Variants in ATXN10 observed in about 807,000 individuals in gnomAD.
ATXN10 encodes the protein ataxin-10.
In ATXN10, 28 loss-of-function variants were observed where a neutral mutation model predicts 52.9. The ratio of observed to expected loss-of-function variants is 0.53; its 90% CI spans 0.39 to 0.73. The LOEUF (loss-of-function observed/expected upper bound fraction) is 0.73. Ranked by LOEUF, ATXN10 falls within the 30% of genes least tolerant of loss-of-function variation. The pLI, the probability that ATXN10 is intolerant of heterozygous loss-of-function variation, is 0.00. For missense variants in ATXN10, 565 were observed against 577.0 expected (o/e 0.98, Z 0.21); for synonymous variants, 226 against 221.5 (o/e 1.02, Z -0.18).
chr22:45,788,805 A>G (rs954784991), intron 9 of ATXN10, among the ~76,000 whole-genome samples: 2 of 151,694 alleles, frequency 1.3e-5, no homozygotes, highest in South Asian at 4.2e-4. Context: ...CTCACACACC[A>G]CACCCAGCTA....
At chr22:45,812,850 C>A (rs765917767) in intron 10 of ATXN10, among the ~76,000 whole-genome samples, 8 of 152,298 alleles carry the variant, frequency 5.3e-5, no homozygotes, top group Non-Finnish European at 1.2e-4. Context: ...ATAGAACATT[C>A]CACTTTTGTC....
chr22:45,806,463 C>T (rs1020393856), intron 9 of ATXN10, among the ~76,000 whole-genome samples: 2 of 152,102 alleles, frequency 1.3e-5, no homozygotes, highest in Non-Finnish European at 2.9e-5. Context: ...TCTTCCAAAT[C>T]CGTGATACCT....
At position 45,766,505 on chromosome 22, in the gene ATXN10, A is replaced by G. The variant is rs373739095; in HGVS notation, c.1173+25967A>G. On this transcript the variant is annotated intron_variant, in intron 9 of 11. Transcript: ENST00000252934. This position sits in a 1 kb window ranked among gnomAD's most constrained non-coding sequence, Gnocchi z 4.6. ...AAGGTTGGGAACTCCTCCTTTAGAT[A>G]AAACTGGATACATCCCTTATAACAT... Among the ~76,000 whole-genome samples, 8 of 152,296 alleles carry G rather than the reference A, an allele frequency of 5.3e-5. No homozygotes were observed. The highest frequency in any genetic ancestry group is 1.7e-4 in the African/African-American group (7 of 41,576).
intron 9 of ATXN10, among the ~76,000 whole-genome samples, chr22:45,741,586 T>G (rs1216844471): frequency 6.6e-6 from 1 of 152,114 alleles, no homozygotes; most frequent in Non-Finnish European, 1.5e-5. Context: ...CATCCTCAGT[T>G]TCTTACTTGC....
chr22:45,760,884 G>A (rs544288376), intron 9 of ATXN10, among the ~76,000 whole-genome samples: 13 of 152,250 alleles, frequency 8.5e-5, no homozygotes, highest in South Asian at 8.3e-4. Context: ...CCCAGTGTGC[G>A]GAGTGGATTC....
intron 7 of ATXN10, among the ~76,000 whole-genome samples, chr22:45,735,812 C>CTTTTT (rs746222703): frequency 7.3e-3 from 482 of 65,708 alleles, no homozygotes; most frequent in Non-Finnish European, 1.0e-2. Flanking sequence ...ATTTGCTTGT[C>CTTTTT]TTTTTTTTTT....
intron 10 of ATXN10, among the ~76,000 whole-genome samples, chr22:45,831,568 A>G (rs1442515699): frequency 6.6e-6 from 1 of 152,188 alleles, no homozygotes; most frequent in Admixed American, 6.5e-5. Flanking sequence ...TTTTCATGCC[A>G]GGCATTGTGA....
At chr22:45,760,345 A>G (rs1926339572) in intron 9 of ATXN10, among the ~76,000 whole-genome samples, 1 of 152,150 alleles carries the variant, frequency 6.6e-6, no homozygotes, top group African/African-American at 2.4e-5. Flanking sequence ...AGTGATTATT[A>G]TTCAACATCG....
At position 45,718,279 on chromosome 22, in the gene ATXN10, T is replaced by G; in HGVS notation, c.648-134T>G. ...ATAGTATGTGAACCTTTTAAGACAT[T>G]TAAGATTACAGCAAATCAAAAATTC... is the stretch of plus-strand genomic sequence containing the variant. On this transcript the variant is annotated intron_variant, in intron 5 of 11. Transcript: ENST00000252934. The surrounding 1 kb of genome is among the most constrained non-coding windows in gnomAD (Gnocchi z 4.4). 1.3e-6 allele frequency: 1 copy of G among 778,016 alleles called. No individual in the cohort carries two copies. The highest frequency in any genetic ancestry group is 2.3e-6 in the Non-Finnish European group (1 of 435,668). The allele number at this position is 778,016 out of a possible 1,614,324, so 48.2% of individuals were successfully genotyped here. A position where few individuals can be genotyped will look rare whatever the true frequency, so the allele number is the denominator to read the frequency against.
intron 4 of ATXN10, 64 bp downstream of exon 4, chr22:45,700,442 A>G (rs1923797701): frequency 1.5e-6 from 2 of 1,378,832 alleles, no homozygotes; most frequent in East Asian, 2.3e-5. Context: ...TTTCCATTTT[A>G]TATAAAGTTC....
intron 9 of ATXN10, among the ~76,000 whole-genome samples, chr22:45,742,831 A>G (rs1466612897): frequency 2.7e-5 from 1 of 36,952 alleles, no homozygotes; most frequent in Non-Finnish European, 4.6e-5. Flanking sequence ...GAGACTACTG[A>G]TTCCCCCCTT....
chr22:45,822,597 C>T (rs1421557879), intron 10 of ATXN10, among the ~76,000 whole-genome samples: 2 of 133,594 alleles, frequency 1.5e-5, no homozygotes, highest in East Asian at 4.6e-4. Context: ...GTGGCACGAT[C>T]TCGGCTCACT....
chr22:45,736,148 G>T (rs138168), intron 7 of ATXN10, among the ~76,000 whole-genome samples: 1 of 151,782 alleles, frequency 6.6e-6, no homozygotes, highest in African/African-American at 2.4e-5. Flanking sequence ...TCATTTTAAC[G>T]TGGAAAATTT....
chr22:45,712,205 C>A lies in ATXN10; in HGVS notation c.648-6208C>A, dbSNP rs1048869235. On this transcript the variant is annotated intron_variant, in intron 5 of 11. Transcript: ENST00000252934. This position sits in a 1 kb window ranked among gnomAD's most constrained non-coding sequence, Gnocchi z 4.6. ...GGGGGCACAGGCTGTCAGGTTTGGG[C>A]CCACTCTTGAAGGAAAAAGCTACCA... 6.6e-6 allele frequency among the ~76,000 whole-genome samples: 1 copy of A among 151,970 alleles called. No individual in the cohort carries two copies. Among genetic ancestry groups the A allele is most frequent in the African/African-American group, 2.4e-5 (1 of 41,338 alleles).
At chr22:45,797,667 G>A (rs1223353327) in intron 9 of ATXN10, among the ~76,000 whole-genome samples, 1 of 152,128 alleles carries the variant, frequency 6.6e-6, no homozygotes, top group Non-Finnish European at 1.5e-5. Flanking sequence ...ACCAATGTAA[G>A]TAGAAGAAAA....
At chr22:45,720,555 A>G (rs1339024554) in intron 6 of ATXN10, among the ~76,000 whole-genome samples, 1 of 152,138 alleles carries the variant, frequency 6.6e-6, no homozygotes, top group East Asian at 1.9e-4. Flanking sequence ...GGATGTTCAC[A>G]TTGCTGTGCA....
At chr22:45,751,403 G>A (rs1485816138) in intron 9 of ATXN10, among the ~76,000 whole-genome samples, 1 of 149,138 alleles carries the variant, frequency 6.7e-6, no homozygotes, top group African/African-American at 2.4e-5. Flanking sequence ...AGCTGGGCTG[G>A]TGGTGATAGG....
chr22:45,724,046 G>A (rs921466965), intron 6 of ATXN10, among the ~76,000 whole-genome samples: 40 of 151,364 alleles, frequency 2.6e-4, no homozygotes, highest in Middle Eastern at 3.4e-3. Context: ...ATTCCATTGT[G>A]TATATATATA....
At chr22:45,753,698 C>T (rs1243946795) in intron 9 of ATXN10, among the ~76,000 whole-genome samples, 4 of 152,020 alleles carry the variant, frequency 2.6e-5, no homozygotes, top group Admixed American at 6.6e-5. Context: ...TGAGCCACTG[C>T]GCCCATCTCA....
Sources: allele counts gnomAD v4.1 joint callset (sites outside exome capture counted in the v4.1 genomes callset), GRCh38; gene constraint gnomAD v4.1.1; non-coding constraint Gnocchi (gnomAD v3.1); transcripts MANE v1.5; gene names NCBI Gene and HGNC (gene_info 2026-07-23, HGNC 2026-07-21).